Variants in RDM1 observed in about 807,000 individuals in gnomAD.
RDM1 encodes the protein RAD52 motif containing 1.
In RDM1, 28 loss-of-function variants were observed where a neutral mutation model predicts 27.7. That is an observed-to-expected ratio of 1.01 (90% CI 0.75 to 1.39). RDM1 has a LOEUF of 1.39. RDM1 is among the 40% of genes most tolerant of loss of function. The pLI, the probability that RDM1 is intolerant of heterozygous loss-of-function variation, is 0.00. For missense variants in RDM1, 277 were observed against 337.3 expected (o/e 0.82, Z 1.40); for synonymous variants, 124 against 127.5 (o/e 0.97, Z 0.19).
rs201396893 is a variant in RDM1 at position 35,922,693 on chromosome 17, A to G, written c.569-18T>C. The G allele has an allele frequency of 5.1e-6, 8 of 1,569,792 alleles. No individual in the cohort carries two copies. The highest frequency in any genetic ancestry group is 6.9e-6 in the Non-Finnish European group (8 of 1,158,096). On this transcript the variant is annotated intron_variant, in intron 4 of 6. Transcript: ENST00000620284. Reference sequence around the variant, plus strand: ...TAATGGTCCTAAATCCAACCAAAACAAATGGATTTAAGGTGCCTATTTGAA... The same window carrying G: ...TAATGGTCCTAAATCCAACCAAAACGAATGGATTTAAGGTGCCTATTTGAA...
intron 2 of RDM1, among the ~76,000 whole-genome samples, chr17:35,929,469 T>G (rs2089252736): frequency 6.6e-6 from 1 of 151,900 alleles, no homozygotes; most frequent in Non-Finnish European, 1.5e-5. Context: ...TGAGATGGAG[T>G]CTCACTCTGT....
intron 3 of RDM1, 74 bp from the exon 4 acceptor site, chr17:35,924,846 A>G: frequency 4.6e-6 from 7 of 1,512,546 alleles, no homozygotes; most frequent in Non-Finnish European, 6.3e-6. Flanking sequence ...TATTAAAAGT[A>G]AAAACTTGGC....
Position 35,922,566 on chromosome 17 carries a change from G to C in RDM1, c.667+11C>G. ...ACTGAAGTACTTCAAGGATGATCAA[G>C]ACAGTCTTACCTAGAACAACAATCA... On this transcript the variant is annotated intron_variant, in intron 5 of 6. Transcript: ENST00000620284. The C allele has an allele frequency of 1.9e-6, 3 of 1,607,298 alleles. No homozygotes were observed. The highest frequency in any genetic ancestry group is 2.5e-6 in the Non-Finnish European group (3 of 1,178,286).
At chr17:35,925,429 A>G in intron 3 of RDM1, 86 bp downstream of exon 3, 4 of 1,490,426 alleles carry the variant, frequency 2.7e-6, no homozygotes, top group Non-Finnish European at 3.7e-6. Context: ...CCTCCCTACA[A>G]TCCAGTTCAA....
intron 4 of RDM1, among the ~76,000 whole-genome samples, chr17:35,923,588 G>A (rs978195111): frequency 5.9e-5 from 9 of 151,274 alleles, no homozygotes; most frequent in African/African-American, 2.2e-4. Flanking sequence ...ACTTGAACCT[G>A]GGAGATGGAG....
intron 6 of RDM1, 88 bp from the exon 7 acceptor site, chr17:35,918,531 C>T: frequency 1.9e-6 from 2 of 1,069,432 alleles, no homozygotes; most frequent in Non-Finnish European, 2.8e-6. Context: ...CTAAACTTTC[C>T]ATATCCTTTG....
intron 2 of RDM1, 44 bp downstream of exon 2, chr17:35,930,032 G>A: frequency 3.9e-6 from 6 of 1,530,002 alleles, no homozygotes; most frequent in Non-Finnish European, 5.4e-6. Flanking sequence ...ATTGAATTCA[G>A]CACTTCATTT....
Position 35,918,144 on chromosome 17 carries a change from T to C in RDM1, c.*198A>G. 2 of 595,210 alleles carry C rather than the reference T, an allele frequency of 3.4e-6. No individual in the cohort carries two copies. The highest frequency in any genetic ancestry group is 2.8e-5 in the East Asian group (1 of 36,198). The allele number at this position is 595,210 out of a possible 1,614,324, so 36.9% of individuals were successfully genotyped here. A position where few individuals can be genotyped will look rare whatever the true frequency, so the allele number is the denominator to read the frequency against. ...GCTCCTCGTCACCAGGGCGATCTTATCCCACAATCCTACCCAAGCCTCCCT... is the reference window on the plus strand; with the variant it reads ...GCTCCTCGTCACCAGGGCGATCTTACCCCACAATCCTACCCAAGCCTCCCT... On this transcript the variant is annotated 3_prime_UTR_variant, in exon 7 of 7. Transcript: ENST00000620284.
At chr17:35,920,157 T>C in intron 6 of RDM1, 30 bp downstream of exon 6, 2 of 1,092,192 alleles carry the variant, frequency 1.8e-6, no homozygotes, top group Non-Finnish European at 2.8e-6. Flanking sequence ...ACACTGGCTA[T>C]GTTACCCCTG....
At chr17:35,919,337 T>C (rs2088858229) in intron 6 of RDM1, among the ~76,000 whole-genome samples, 1 of 152,014 alleles carries the variant, frequency 6.6e-6, no homozygotes, top group Non-Finnish European at 1.5e-5. Context: ...AGTCATGCGT[T>C]GCTTGCCATG....
intron 5 of RDM1, among the ~76,000 whole-genome samples, 184 bp from the exon 6 acceptor site, chr17:35,920,456 C>CTTT (rs60990791): frequency 4.2e-4 from 50 of 117,990 alleles, no homozygotes; most frequent in African/African-American, 1.8e-3. Context: ...TTCTTTCTTT[C>CTTT]TTTTTTTTTT....
chr17:35,926,380 G>C (rs774859189), intron 2 of RDM1, among the ~76,000 whole-genome samples: 9 of 151,902 alleles, frequency 5.9e-5, no homozygotes, highest in Non-Finnish European at 1.3e-4. Flanking sequence ...ATTTGTATTA[G>C]AAATTAATAA....
At position 35,925,536 on chromosome 17, in the gene RDM1, C is replaced by T. The variant is rs1228172861; in HGVS notation, c.378G>A (p.Gly126=). The T allele has an allele frequency of 2.5e-6, 4 of 1,613,500 alleles. No individual in the cohort carries two copies. In the African/African-American group the frequency reaches 5.3e-5, roughly 22 times the overall value. Residue 126 remains glycine (G), a synonymous_variant, in exon 3 of 7, where the codon GGG becomes GGA. Coordinates refer to ENST00000620284, the MANE Select transcript of RDM1 (RefSeq NM_145654.4). ...TTACCTTGATGATCCTTTTGGAACA[C>T]CCATTGAAACCAAAGTAGTAATTCG... ...ELANYYFGFN[G]CSKRIIKLQE...
At chr17:35,927,472 A>C (rs2089192603) in intron 2 of RDM1, among the ~76,000 whole-genome samples, 1 of 152,124 alleles carries the variant, frequency 6.6e-6, no homozygotes, top group Non-Finnish European at 1.5e-5. Context: ...AAACAAAAAA[A>C]CAAAAACCCA....
intron 5 of RDM1, 96 bp from the exon 6 acceptor site, chr17:35,920,368 T>C (rs1259218392): frequency 7.4e-6 from 4 of 537,966 alleles, no homozygotes; most frequent in Non-Finnish European, 1.3e-5. Context: ...ATTGTTTTGG[T>C]TTCTAAAAGC....
At chr17:35,918,536 C>T (rs1397566115) in intron 6 of RDM1, 93 bp from the exon 7 acceptor site, 2 of 1,001,114 alleles carry the variant, frequency 2.0e-6, no homozygotes, top group South Asian at 1.4e-5. Flanking sequence ...CTTTCCATAT[C>T]CTTTGTTGCA....
intron 5 of RDM1, among the ~76,000 whole-genome samples, chr17:35,920,626 AT>A (rs907709040): frequency 6.1e-4 from 88 of 145,062 alleles, no homozygotes; most frequent in Non-Finnish European, 4.0e-4. Flanking sequence ...TGCCTGCCTA[AT>A]TTTTTTTTTT....
chr17:35,922,694 A>T lies in RDM1; in HGVS notation c.569-19T>A. ...AATGGTCCTAAATCCAACCAAAACA[A>T]ATGGATTTAAGGTGCCTATTTGAAT... On this transcript the variant is annotated intron_variant, in intron 4 of 6. Transcript: ENST00000620284. 1.3e-6 allele frequency: 2 copies of T among 1,567,874 alleles called. No individual in the cohort carries two copies. Among genetic ancestry groups the T allele is most frequent in the Admixed American group, 3.9e-5 (2 of 51,596 alleles).
At position 35,930,244 on chromosome 17, in the gene RDM1, G is replaced by A. The variant is rs1310406225; in HGVS notation, c.108C>T (p.Phe36=). ...GAAGGCCAAACTGAGAAAATGCTGT[G>A]AACAGAGAATGCTGTGGGGGTGGGA... is the stretch of plus-strand genomic sequence containing the variant. ...PTAEALHHSL[F]TAFSQFGLLY... Residue 36 remains phenylalanine, a synonymous_variant, in exon 2 of 7, where the codon TTC becomes TTT. Transcript: ENST00000620284. 2.5e-6 allele frequency: 4 copies of A among 1,614,026 alleles called. No individual in the cohort carries two copies. Among genetic ancestry groups the A allele is most frequent in the Non-Finnish European group, 3.4e-6 (4 of 1,180,050 alleles).
Sources: gnomAD v4.1 joint callset for allele counts (sites outside exome capture counted in the v4.1 genomes callset) on GRCh38, gnomAD v4.1.1 for gene constraint, MANE v1.5 for transcripts, NCBI Gene and HGNC (gene_info 2026-07-23, HGNC 2026-07-21) for gene names.